Variants in RFX8 observed in about 807,000 individuals in gnomAD.
RFX8 encodes regulatory factor X8, also known as DNA-binding protein RFX8.
In RFX8, 46 loss-of-function variants were observed where a neutral mutation model predicts 54.6. The observed-to-expected ratio is 0.84, with a 90% CI of 0.67 to 1.08. The LOEUF (loss-of-function observed/expected upper bound fraction) is 1.08. RFX8 is among the 50% of genes least tolerant of loss of function. RFX8 has a pLI of 0.00. For synonymous variants in RFX8, 192 were observed against 209.5 expected (o/e 0.92, Z 0.72); for missense variants, 536 against 562.3 (o/e 0.95, Z 0.47).
intron 1 of RFX8, among the ~76,000 whole-genome samples, chr2:101,469,079 A>C (rs11674160): frequency 0.058 from 630 of 10,850 alleles, 31 homozygotes; most frequent in African/African-American, 0.11. Context: ...TATATATATA[A>C]GTGTATATAT....
At chr2:101,418,779 G>C in intron 5 of RFX8, 72 bp downstream of exon 5, 1 of 885,220 alleles carries the variant, frequency 1.1e-6, no homozygotes, top group Non-Finnish European at 1.9e-6. Flanking sequence ...AGGTGGAGCT[G>C]TGGGTCCAAA....
intron 2 of RFX8, among the ~76,000 whole-genome samples, chr2:101,459,422 T>A (rs1450142768): frequency 6.6e-6 from 1 of 152,206 alleles, no homozygotes; most frequent in African/African-American, 2.4e-5. Context: ...TTTGTTGATG[T>A]TCATGTTATT....
chr2:101,402,835 G>A, intron 10 of RFX8, 83 bp from the exon 11 acceptor site: 1 of 1,261,220 alleles, frequency 7.9e-7, no homozygotes, highest in Non-Finnish European at 1.1e-6. Context: ...AACTTTTCTG[G>A]GGCTAACACC....
intron 2 of RFX8, among the ~76,000 whole-genome samples, chr2:101,428,024 T>C (rs1687280176): frequency 6.7e-6 from 1 of 149,704 alleles, no homozygotes; most frequent in African/African-American, 2.5e-5. Flanking sequence ...CTGAGCGTGG[T>C]GGCTCACTCC....
chr2:101,426,218 T>G (rs1687158908), intron 2 of RFX8, among the ~76,000 whole-genome samples: 1 of 152,058 alleles, frequency 6.6e-6, no homozygotes, highest in Non-Finnish European at 1.5e-5. Context: ...ATAATAACTG[T>G]GTTGAGTGTG....
At chr2:101,474,087 G>C in intron 1 of RFX8, 1 of 503,588 alleles carries the variant, frequency 2.0e-6, no homozygotes, top group Non-Finnish European at 3.5e-6. Context: ...GCCTGGGGCC[G>C]CTCCTCACAC....
intron 2 of RFX8, among the ~76,000 whole-genome samples, chr2:101,458,467 G>A (rs544784490): frequency 1.3e-5 from 2 of 152,270 alleles, no homozygotes; most frequent in South Asian, 4.1e-4. Context: ...CTTCACTTAT[G>A]AAGCTGAGTT....
chr2:101,411,597 G>C (rs1686133518), intron 8 of RFX8, among the ~76,000 whole-genome samples: 1 of 152,084 alleles, frequency 6.6e-6, no homozygotes, highest in South Asian at 2.1e-4. Context: ...GGGACCTTTT[G>C]GGTTCCTACT....
In RFX8 at chr2:101,451,450, G is replaced by A. The variant is rs1286086789; in HGVS notation, c.72+15327C>T. On this transcript the variant is annotated intron_variant, in intron 2 of 11. Coordinates refer to ENST00000428343, the MANE Select transcript of RFX8 (RefSeq NM_001145664.2). The stretch of plus-strand genomic sequence containing the variant: ...CGCCTGTAATCTCAGCACTTTGGGA[G>A]GCTGAGACGGGTGGATCATCTGAGG... Among the ~76,000 whole-genome samples the A allele has an allele frequency of 4.6e-5, 7 of 152,238 alleles. No individual in the cohort carries two copies. The East Asian group carries it at 1.4e-3, about 29-fold the overall frequency.
intron 4 of RFX8, among the ~76,000 whole-genome samples, chr2:101,419,664 T>A (rs952539851): frequency 6.6e-6 from 1 of 152,232 alleles, no homozygotes; most frequent in Non-Finnish European, 1.5e-5. Context: ...GTATCTCCCC[T>A]GGTCCTGGTG....
rs931401347 is a variant in RFX8 at position 101,428,819 on chromosome 2, T to C, written c.73-6347A>G. On this transcript the variant is annotated intron_variant, in intron 2 of 11. Coordinates refer to ENST00000428343, the MANE Select transcript of RFX8 (RefSeq NM_001145664.2). ...GGAAAGTGGTGGCACTGAACATTCA[T>C]GGTCAGATGGGTGAATGGTTAGGGG... 3.0e-5 allele frequency: 19 copies of C among 625,542 alleles called. No homozygotes were observed. In the African/African-American group the frequency reaches 3.1e-4, roughly 10 times the overall value. 38.7% of individuals were successfully genotyped at this position (625,542 alleles called of 1,614,324 possible). A position where few individuals can be genotyped will look rare whatever the true frequency, so the allele number is the denominator to read the frequency against.
At chr2:101,463,872 G>A (rs1207218729) in intron 2 of RFX8, among the ~76,000 whole-genome samples, 1 of 152,228 alleles carries the variant, frequency 6.6e-6, no homozygotes, top group Admixed American at 6.5e-5. Context: ...AGGGGATGGG[G>A]AAACAGCTCT....
At chr2:101,398,917 G>C (rs1685273804) in intron 11 of RFX8, among the ~76,000 whole-genome samples, 1 of 152,032 alleles carries the variant, frequency 6.6e-6, no homozygotes, top group Non-Finnish European at 1.5e-5. Context: ...CAGTGAAAAG[G>C]TGTTTTTCTT....
chr2:101,433,045 A>G (rs1195689936), intron 2 of RFX8, among the ~76,000 whole-genome samples: 1 of 151,964 alleles, frequency 6.6e-6, no homozygotes, highest in Non-Finnish European at 1.5e-5. Flanking sequence ...CTGGGGATGG[A>G]GGGAGAAGAG....
At chr2:101,409,115 T>C (rs1252256037) in intron 9 of RFX8, among the ~76,000 whole-genome samples, 1 of 152,210 alleles carries the variant, frequency 6.6e-6, no homozygotes, top group Non-Finnish European at 1.5e-5. Flanking sequence ...CAGTTTTAAG[T>C]CCCACCTTCT....
At chr2:101,410,085 T>G (rs1554068) in intron 9 of RFX8, among the ~76,000 whole-genome samples, 1 of 152,036 alleles carries the variant, frequency 6.6e-6, no homozygotes, top group Admixed American at 6.6e-5. Context: ...CCCCCTGAAA[T>G]AGACAAAACC....
At chr2:101,397,755 A>T in intron 11 of RFX8, 31 bp from the exon 12 acceptor site, 1 of 1,519,928 alleles carries the variant, frequency 6.6e-7, no homozygotes, top group Non-Finnish European at 8.9e-7. Flanking sequence ...AAGGGAAAAG[A>T]TAAAAAGAGA....
At chr2:101,410,378 CAT>C (rs1686046444) in intron 9 of RFX8, among the ~76,000 whole-genome samples, 1 of 122,056 alleles carries the variant, frequency 8.2e-6, no homozygotes, top group Non-Finnish European at 1.7e-5. Flanking sequence ...CACACCCAAA[CAT>C]ATGCCCACAC....
intron 2 of RFX8, among the ~76,000 whole-genome samples, chr2:101,459,072 T>C (rs1000623742): frequency 6.6e-6 from 1 of 152,206 alleles, no homozygotes; most frequent in South Asian, 2.1e-4. Context: ...AGGTCCCTTA[T>C]GGCCTTCTCT....
Sources: gnomAD v4.1 joint callset for allele counts (sites outside exome capture counted in the v4.1 genomes callset) on GRCh38, gnomAD v4.1.1 for gene constraint, MANE v1.5 for transcripts, NCBI Gene and HGNC (gene_info 2026-07-23, HGNC 2026-07-21) for gene names.